The following PGAP2 variants were observed in gnomAD, a reference collection of about 807,000 sequenced individuals.
The protein encoded by PGAP2 is post-GPI attachment to proteins 2.
In PGAP2, 21 loss-of-function variants were observed where a neutral mutation model predicts 33.2. That is an observed-to-expected ratio of 0.63 (90% CI 0.45 to 0.91). The LOEUF (loss-of-function observed/expected upper bound fraction) is 0.91. PGAP2 is among the 40% of genes least tolerant of loss of function. PGAP2 has a pLI of 0.00. For synonymous variants in PGAP2, 161 were observed against 172.9 expected (o/e 0.93, Z 0.54); for missense variants, 345 against 424.0 (o/e 0.81, Z 1.64).
rs558998015 is a variant in PGAP2 at position 3,798,061 on chromosome 11, C to T, written c.139+79C>T. On this transcript the variant is annotated intron_variant, in intron 1 of 6. Coordinates refer to the PGAP2 transcript ENST00000300730. ...TCCTAGTCTCTCTGCCCGCACTTCCCGCCCAGACCACGTGCGGAGCCTGAG... is the reference window on the plus strand; with the variant it reads ...TCCTAGTCTCTCTGCCCGCACTTCCTGCCCAGACCACGTGCGGAGCCTGAG... The T allele has an allele frequency of 3.8e-5, 58 of 1,511,938 alleles. No individual in the cohort carries two copies. The South Asian group carries it at 6.5e-4, about 17-fold the overall frequency. The allele number at this position is 1,511,938 out of a possible 1,614,324, so 93.7% of individuals were successfully genotyped here.
chr11:3,814,387 G>T (rs1354319339), intron 2 of PGAP2, among the ~76,000 whole-genome samples: 5 of 152,114 alleles, frequency 3.3e-5, no homozygotes, highest in African/African-American at 1.2e-4. Context: ...CTCCTGAGTA[G>T]CTGGGATTAC....
At chr11:3,820,930 C>T (rs74623790) in intron 3 of PGAP2, among the ~76,000 whole-genome samples, 2,966 of 152,304 alleles carry the variant, frequency 0.019, 102 homozygotes, top group African/African-American at 0.067. Flanking sequence ...AAGTGACTTG[C>T]TCAAGGTCAC....
At chr11:3,814,776 CTT>C (rs772262812) in intron 2 of PGAP2, among the ~76,000 whole-genome samples, 7 of 104,170 alleles carry the variant, frequency 6.7e-5, no homozygotes, top group Non-Finnish European at 1.4e-4. Context: ...TTCTTTCTTT[CTT>C]TCTTTCTTTC....
At chr11:3,802,826 CT>C (rs142858427) in intron 1 of PGAP2, among the ~76,000 whole-genome samples, 21 of 139,294 alleles carry the variant, frequency 1.5e-4, no homozygotes, top group African/African-American at 3.5e-4. Context: ...TGTTTTGTTT[CT>C]TTTTTTTTTT....
In PGAP2 at chr11:3,798,007, C is replaced by T. The variant is rs747858326; in HGVS notation, c.139+25C>T. 64 of 1,535,548 alleles carry T rather than the reference C, an allele frequency of 4.2e-5. 1 individual carries two copies. Among genetic ancestry groups the T allele is most frequent in the South Asian group, 3.5e-4 (29 of 83,148 alleles). On this transcript the variant is annotated intron_variant, in intron 1 of 6. Coordinates refer to the PGAP2 transcript ENST00000300730. ...GGTAACTATTCGACCCTTTCCTTGCCCCGGTCCGCCGGCGCTGCTGGGAAG... is the reference window on the plus strand; with the variant it reads ...GGTAACTATTCGACCCTTTCCTTGCTCCGGTCCGCCGGCGCTGCTGGGAAG...
chr11:3,825,076 C>T lies in PGAP2; in HGVS notation c.765C>T (p.Phe255=). 2 of 1,614,206 alleles carry T rather than the reference C, an allele frequency of 1.2e-6. No homozygotes were observed. The highest frequency in any genetic ancestry group is 8.5e-7 in the Non-Finnish European group (1 of 1,180,040). ...TCTTCATCATCAACTTCATCTCCTTCTTCTCGGCGCTGGCTGTCTACTTTC... is the reference window on the plus strand; with the variant it reads ...TCTTCATCATCAACTTCATCTCCTTTTTCTCGGCGCTGGCTGTCTACTTTC... ...QRLFIINFIS[F]FSALAVYFRH... Residue 255 remains phenylalanine, a synonymous_variant, in exon 6 of 7, where the codon TTC becomes TTT. Transcript: ENST00000278243.
At position 3,826,127 on chromosome 11, in the gene PGAP2, C is replaced by T. The variant is rs1401713764; in HGVS notation, c.*669C>T. ...TGGTGTTCTATACCTAAAGGATGAC[C>T]TGCTCCAGAAACAGCACCAGCACAG... On this transcript the variant is annotated 3_prime_UTR_variant, in exon 7 of 7. Transcript: ENST00000278243. 6.6e-6 allele frequency: 1 copy of T among 152,306 alleles called. No individual in the cohort carries two copies. The highest frequency in any genetic ancestry group is 1.9e-4 in the East Asian group (1 of 5,190). The allele number at this position is 152,306 out of a possible 1,614,324, so 9.4% of individuals were successfully genotyped here.
At chr11:3,824,719 T>C in intron 5 of PGAP2, 3 of 1,136,758 alleles carry the variant, frequency 2.6e-6, no homozygotes, top group Non-Finnish European at 3.6e-6. Context: ...TGTACATGGG[T>C]TTCTTTTCCC....
intron 1 of PGAP2, among the ~76,000 whole-genome samples, chr11:3,801,447 C>G (rs1252120712): frequency 6.8e-6 from 1 of 147,528 alleles, no homozygotes; most frequent in East Asian, 2.1e-4. Context: ...TCGAGACCAT[C>G]CTGGCTAACA....
Position 3,811,401 on chromosome 11 carries a change from G to GAGAC in PGAP2, c.144_147dup (p.Thr50AspfsTer60). On this transcript the variant is annotated frameshift_variant, in exon 2 of 7. Coordinates refer to ENST00000278243, the MANE Select transcript of PGAP2 (RefSeq NM_014489.4). LOFTEE classifies it high-confidence loss of function. The surrounding 1 kb of genome is among the most constrained non-coding windows in gnomAD (Gnocchi z 4.6). Reference sequence around the variant, plus strand: ...CTGGTCCCTGCTCTTCCACTTCAAGGAGACAACGGCCACACACTGTGGGGT... The same window carrying GAGAC: ...CTGGTCCCTGCTCTTCCACTTCAAGGAGACAGACAACGGCCACACACTGTGGGGT... 6.2e-7 allele frequency: 1 copy of GAGAC among 1,613,982 alleles called. No individual in the cohort carries two copies. Among genetic ancestry groups the GAGAC allele is most frequent in the Non-Finnish European group, 8.5e-7 (1 of 1,179,910 alleles).
At chr11:3,816,807 T>C (rs889382354) in intron 2 of PGAP2, among the ~76,000 whole-genome samples, 1 of 152,134 alleles carries the variant, frequency 6.6e-6, no homozygotes. Context: ...AACAGGAATG[T>C]GGTCAGACAG....
upstream of PGAP2, chr11:3,807,937 C>T (rs2134254911): frequency 1.6e-6 from 1 of 641,404 alleles, no homozygotes; most frequent in South Asian, 3.7e-5. Flanking sequence ...TTTGGGGGAT[C>T]AATCCTCTCA....
chr11:3,802,365 C>T (rs1368402311), intron 1 of PGAP2, among the ~76,000 whole-genome samples: 1 of 152,156 alleles, frequency 6.6e-6, no homozygotes. Flanking sequence ...CCAGGGGTTC[C>T]TTCCCACACT....
chr11:3,810,486 G>A (rs1327824189), intron 1 of PGAP2, among the ~76,000 whole-genome samples: 1 of 152,166 alleles, frequency 6.6e-6, no homozygotes, highest in African/African-American at 2.4e-5. Context: ...TATCTAAGGG[G>A]GAAATCACAG....
chr11:3,808,100 T>C (rs541111196), upstream of PGAP2: 2 of 1,452,314 alleles, frequency 1.4e-6, no homozygotes, highest in East Asian at 5.0e-5. Context: ...GCTCTTCCCA[T>C]TGCTGAAATG....
chr11:3,807,551 G>A (rs2084639082), upstream of PGAP2, among the ~76,000 whole-genome samples: 1 of 151,686 alleles, frequency 6.6e-6, no homozygotes, highest in Non-Finnish European at 1.5e-5. Flanking sequence ...CAGGTGATCC[G>A]CCCGCCTCGG....
At chr11:3,813,371 T>C (rs2086020676) in intron 2 of PGAP2, among the ~76,000 whole-genome samples, 1 of 150,954 alleles carries the variant, frequency 6.6e-6, no homozygotes, top group Admixed American at 6.6e-5. Flanking sequence ...TGTGAGCCAC[T>C]ACACCCAGCT....
chr11:3,805,809 C>T (rs2084224302), upstream of PGAP2, among the ~76,000 whole-genome samples: 1 of 151,842 alleles, frequency 6.6e-6, no homozygotes, highest in East Asian at 2.0e-4. Context: ...GCCTCAGCCT[C>T]CCAAGTAGCT....
intron 1 of PGAP2, 94 bp downstream of exon 1, chr11:3,808,745 G>C: frequency 3.7e-6 from 2 of 535,132 alleles, no homozygotes; most frequent in Non-Finnish European, 4.9e-6. Flanking sequence ...GCCCCACGCT[G>C]TGGGAGTCCT....
Sources: gnomAD v4.1 joint callset for allele counts (sites outside exome capture counted in the v4.1 genomes callset) on GRCh38, gnomAD v4.1.1 for gene constraint, Gnocchi (gnomAD v3.1) non-coding constraint, MANE v1.5 for transcripts, NCBI Gene and HGNC (gene_info 2026-07-23, HGNC 2026-07-21) for gene names.